The following DCTN3 variants were observed in gnomAD, a reference collection of about 807,000 sequenced individuals.
DCTN3 encodes the protein dynactin 3 (p22).
Under a neutral mutation model 28.4 loss-of-function variants are expected in DCTN3, and 25 were observed. The observed-to-expected ratio is 0.88, with a 90% CI of 0.64 to 1.23. DCTN3 has a LOEUF of 1.23. Among genes scored for constraint, DCTN3 ranks in the 50% most tolerant of loss-of-function variants. The pLI is 0.00. For missense variants in DCTN3, 229 were observed against 232.0 expected, an observed-to-expected ratio of 0.99 and a Z score of 0.08; for synonymous variants, 81 against 91.4, an observed-to-expected ratio of 0.89 and a Z score of 0.65.
chr9:34,617,420 G>A (rs1820447279), intron 3 of DCTN3, among the ~76,000 whole-genome samples: 1 of 152,202 alleles, frequency 6.6e-6, no homozygotes, highest in South Asian at 2.1e-4. Flanking sequence ...TTATAGAATG[G>A]CTGACTGATT....
Position 34,617,958 on chromosome 9 carries a change from G to A in DCTN3, c.195C>T (p.Ile65=), listed in dbSNP as rs1564088218. Residue 65 remains isoleucine (I), a synonymous_variant, in exon 3 of 7, where the codon ATC becomes ATT. Transcript: ENST00000259632. ...KILYKKIEDL[I]KYLDPEYIDR... ...CGATGTACTCAGGATCCAGGTACTT[G>A]ATCAGATCTTCAACTAGAAAAGTAG... is the stretch of plus-strand genomic sequence containing the variant. 6.2e-7 allele frequency: 1 copy of A among 1,613,112 alleles called. No homozygotes were observed. Among genetic ancestry groups the A allele is most frequent in the East Asian group, 2.2e-5 (1 of 44,872 alleles).
rs929867032 is a variant in DCTN3 at position 34,614,327 on chromosome 9, T to C, written c.412-226A>G. The C allele has an allele frequency of 8.9e-6, 8 of 899,350 alleles. No homozygotes were observed. In the African/African-American group the frequency reaches 1.2e-4, roughly 13 times the overall value. 55.7% of individuals were successfully genotyped at this position (899,350 alleles called of 1,614,324 possible). Reference sequence around the variant, plus strand: ...GAAAAGGGAGTGGCCATACATTAAGTAAACATTCCCCCTAGTGTATGTCTC... The same window carrying C: ...GAAAAGGGAGTGGCCATACATTAAGCAAACATTCCCCCTAGTGTATGTCTC... On this transcript the variant is annotated intron_variant, in intron 5 of 6. Transcript: ENST00000259632.
intron 3 of DCTN3, chr9:34,617,675 C>T (rs1820452486): frequency 1.4e-6 from 2 of 1,476,784 alleles, no homozygotes; most frequent in African/African-American, 1.4e-5. Context: ...GTGGCTGGCA[C>T]CATGGCCTGC....
intron 2 of DCTN3, among the ~76,000 whole-genome samples, chr9:34,618,405 T>C (rs912207604): frequency 1.3e-5 from 2 of 152,220 alleles, no homozygotes; most frequent in East Asian, 3.8e-4. Context: ...GGAAATCCCA[T>C]ACCCTTTTTA....
rs1820428729 is a variant in DCTN3 at position 34,616,569 on chromosome 9, C to G, written c.269-456G>C. The G allele has an allele frequency of 6.2e-6, 1 of 161,174 alleles. No individual in the cohort carries two copies. The highest frequency in any genetic ancestry group is 1.4e-5 in the Non-Finnish European group (1 of 73,742). The allele number at this position is 161,174 out of a possible 1,614,324, so 10.0% of individuals were successfully genotyped here. A position where few individuals can be genotyped will look rare whatever the true frequency, so the allele number is the denominator to read the frequency against. ...TAGACAATTATATGCTGGAGGAGAG[C>G]TGGGACAGTAATGGAAGAGTCCAGT... On this transcript the variant is annotated intron_variant, in intron 3 of 6. Transcript: ENST00000259632. This position sits in a 1 kb window ranked among gnomAD's most constrained non-coding sequence, Gnocchi z 4.7.
In DCTN3 at chr9:34,618,632, G is replaced by A. The variant is rs367852617; in HGVS notation, c.181+44C>T. On this transcript the variant is annotated intron_variant, in intron 2 of 6. Coordinates refer to ENST00000259632, the MANE Select transcript of DCTN3 (RefSeq NM_007234.5). ...CTAGGGCCAGGTACCAGGAAGCTGA[G>A]GGGTGGGATGTCGGGCAGGCAGGCA... is the stretch of plus-strand genomic sequence containing the variant. 3.2e-5 allele frequency: 48 copies of A among 1,490,508 alleles called. No individual in the cohort carries two copies. The African/African-American group carries it at 6.2e-4, about 19-fold the overall frequency. The allele number at this position is 1,490,508 out of a possible 1,614,324, so 92.3% of individuals were successfully genotyped here.
intron 4 of DCTN3, 32 bp from the exon 5 acceptor site, chr9:34,614,800 G>A: frequency 1.2e-6 from 2 of 1,613,186 alleles, no homozygotes; most frequent in South Asian, 2.2e-5. Flanking sequence ...GCTGGATGAT[G>A]CTTGTGCCCT....
chr9:34,617,914 T>C lies in DCTN3; in HGVS notation c.239A>G (p.Asp80Gly). The C allele has an allele frequency of 6.2e-7, 1 of 1,614,026 alleles. No homozygotes were observed. The highest frequency in any genetic ancestry group is 8.5e-7 in the Non-Finnish European group (1 of 1,179,920). ...TAGGATGAATTGCAGCTTAGAGGCA[T>C]CAGGTATGGCAATGCGGTCGATGTA... ...PEYIDRIAIP[D>G]ASKLQFILAE... The change falls in exon 3 of 7, where the codon GAT becomes GGT. Residue 80 changes from aspartate (D) to glycine (G), a missense_variant. Physicochemically the swap from Asp to Gly is moderately conservative, Grantham distance 94 (BLOSUM62 -1). Transcript: ENST00000259632.
chr9:34,617,564 CT>C, intron 3 of DCTN3: 1 of 1,108,930 alleles, frequency 9.0e-7, no homozygotes, highest in Non-Finnish European at 1.2e-6. Context: ...TGCCCCTACC[CT>C]TTCCTAGAAG....
Position 34,620,383 on chromosome 9 carries a change from G to A in DCTN3, c.82C>T (p.Arg28Cys), listed in dbSNP as rs780584674. 8 of 1,608,376 alleles carry A rather than the reference G, an allele frequency of 5.0e-6. No homozygotes were observed. Among genetic ancestry groups the A allele is most frequent in the South Asian group, 1.1e-5 (1 of 90,198 alleles). Residue 28 changes from arginine to cysteine, a missense_variant, in exon 1 of 7, where the codon CGC (arginine) becomes TGC (cysteine). By Grantham distance (180) the Arg-to-Cys change is radical. Transcript: ENST00000259632. ...ERWVYGPGGA[R>C]GSRKVADGLV... Reference sequence around the variant, plus strand: ...AGACTACTCACCTTCCGTGAGCCGCGCGCCCCGCCCGGCCCGTACACCCAG... The same window carrying A: ...AGACTACTCACCTTCCGTGAGCCGCACGCCCCGCCCGGCCCGTACACCCAG...
intron 4 of DCTN3, 151 bp from the exon 5 acceptor site, chr9:34,614,919 G>A: frequency 1.1e-6 from 1 of 889,700 alleles, no homozygotes; most frequent in Non-Finnish European, 1.7e-6. Context: ...GGAGGTGGCA[G>A]TGGGGCTCCC....
intron 4 of DCTN3, chr9:34,615,022 C>A: frequency 1.9e-6 from 1 of 514,470 alleles, no homozygotes. Context: ...AGTGTTGCTC[C>A]CTACCCCCAC....
chr9:34,619,325 A>G (rs1231256950), intron 1 of DCTN3, among the ~76,000 whole-genome samples: 3 of 152,272 alleles, frequency 2.0e-5, no homozygotes, highest in African/African-American at 7.2e-5. Flanking sequence ...GTAGACAACT[A>G]GACATAAAAG....
At chr9:34,615,899 C>CAAAAAAA in intron 4 of DCTN3, 131 bp downstream of exon 4, 1 of 449,612 alleles carries the variant, frequency 2.2e-6, no homozygotes, top group South Asian at 2.8e-5. Context: ...CGACTCTGTC[C>CAAAAAAA]AAAAAAAAAA....
intron 5 of DCTN3, 41 bp downstream of exon 5, chr9:34,614,669 G>A (rs375535845): frequency 9.3e-6 from 15 of 1,604,356 alleles, no homozygotes; most frequent in Middle Eastern, 1.6e-4. Flanking sequence ...GAGGTGCTGC[G>A]CCACCTCCAT....
chr9:34,613,724 T>A lies in DCTN3; in HGVS notation c.*58A>T. The stretch of plus-strand genomic sequence containing the variant: ...TCCTCTGCCTTGTAACAAAGGCAGG[T>A]TGGCATAGGGCCCTGGAGCCTGACT... On this transcript the variant is annotated 3_prime_UTR_variant, in exon 7 of 7. Transcript: ENST00000259632. 6.2e-7 allele frequency: 1 copy of A among 1,606,076 alleles called. No individual in the cohort carries two copies. The highest frequency in any genetic ancestry group is 8.5e-7 in the Non-Finnish European group (1 of 1,175,558).
At position 34,620,398 on chromosome 9, in the gene DCTN3, C is replaced by T; in HGVS notation, c.67G>A (p.Gly23Arg). The T allele has an allele frequency of 1.9e-6, 3 of 1,593,534 alleles. No individual in the cohort carries two copies. Among genetic ancestry groups the T allele is most frequent in the Non-Finnish European group, 2.6e-6 (3 of 1,170,798 alleles). Residue 23 changes from glycine (G) to arginine (R), a missense_variant, in exon 1 of 7, where the codon GGG becomes AGG. Transcript: ENST00000259632. ...CGTGAGCCGCGCGCCCCGCCCGGCC[C>T]GTACACCCAGCGCTCCAGCTCTTCC... ...RVEELERWVYGPGGARGSRKV... is the reference protein window; with the variant it reads ...RVEELERWVYRPGGARGSRKV...
chr9:34,617,238 G>C (rs1485122095), intron 3 of DCTN3, among the ~76,000 whole-genome samples: 3 of 152,168 alleles, frequency 2.0e-5, no homozygotes, highest in Admixed American at 2.0e-4. Flanking sequence ...TGGGTTATAA[G>C]CTCAGGTCCC....
At position 34,616,107 on chromosome 9, in the gene DCTN3, T is replaced by A. The variant is rs1279777490; in HGVS notation, c.275A>T (p.Gln92Leu). 1 of 1,613,788 alleles carries A rather than the reference T, an allele frequency of 6.2e-7. No homozygotes were observed. The highest frequency in any genetic ancestry group is 1.3e-5 in the African/African-American group (1 of 74,914). Residue 92 changes from glutamine (Q) to leucine (L), a missense_variant, in exon 4 of 7, where the codon CAG (glutamine) becomes CTG (leucine). Physicochemically the swap from Gln to Leu is moderately radical, Grantham distance 113. Coordinates refer to ENST00000259632, the MANE Select transcript of DCTN3 (RefSeq NM_007234.5). The surrounding 1 kb of genome is among the most constrained non-coding windows in gnomAD (Gnocchi z 4.7). ...SKLQFILAEE[Q>L]FILSQVALLE... ...GAGTGCAACCTGGGAAAGGATAAACTGCTCCTCTAAAGCAAAAATGGACAA... is the reference window on the plus strand; with the variant it reads ...GAGTGCAACCTGGGAAAGGATAAACAGCTCCTCTAAAGCAAAAATGGACAA...
Sources: allele counts gnomAD v4.1 joint callset (sites outside exome capture counted in the v4.1 genomes callset), GRCh38; gene constraint gnomAD v4.1.1; non-coding constraint Gnocchi (gnomAD v3.1); transcripts MANE v1.5; gene names NCBI Gene and HGNC (gene_info 2026-07-23, HGNC 2026-07-21).